The following ST3GAL3 variants were observed in gnomAD, a reference collection of about 807,000 sequenced individuals.
ST3GAL3 encodes CMP-N-acetylneuraminate-beta-1,4-galactoside alpha-2,3-sialyltransferase.
In ST3GAL3, 21 loss-of-function variants were observed where a neutral mutation model predicts 50.1. The ratio of observed to expected loss-of-function variants is 0.42; its 90% confidence interval spans 0.30 to 0.60. The LOEUF is 0.60. Among genes scored for constraint, ST3GAL3 ranks in the 20% least tolerant of loss-of-function variants. The probability of loss-of-function intolerance (pLI) is 0.19; values close to 1 mark genes in which losing one functional copy is unlikely to be tolerated. For missense variants in ST3GAL3, 353 were observed against 489.4 expected (o/e 0.72, Z 2.63); for synonymous variants, 183 against 190.0 (o/e 0.96, Z 0.30).
chr1:43,912,184 C>G (rs1202738923), intron 9 of ST3GAL3: 1 of 152,114 alleles, frequency 6.6e-6, no homozygotes, highest in East Asian at 1.9e-4. Flanking sequence ...CATCAAGGAG[C>G]CTGGACCTTA....
chr1:43,835,514 C>G (rs551743627), intron 4 of ST3GAL3, among the ~76,000 whole-genome samples: 1 of 152,242 alleles, frequency 6.6e-6, no homozygotes, highest in East Asian at 1.9e-4. Context: ...TATTGGACTG[C>G]CTTCCACTGC....
intron 1 of ST3GAL3, 48 bp from the exon 2 acceptor site, chr1:43,736,185 A>G: frequency 6.5e-7 from 1 of 1,528,804 alleles, no homozygotes; most frequent in South Asian, 1.1e-5. Flanking sequence ...GAATATATCA[A>G]TAAGATGAGT....
At position 43,834,033 on chromosome 1, in the gene ST3GAL3, C is replaced by T. The variant is rs61770260; in HGVS notation, c.210-4186C>T. ...AAAATTAGCCGGGCGCGGTGGCAGG[C>T]GCCTGTAACCTCAGCTTCTCGGGAG... On this transcript the variant is annotated intron_variant, in intron 4 of 11. Transcript: ENST00000347631. Among the ~76,000 whole-genome samples, 1,029 of 152,128 alleles carry T rather than the reference C, an allele frequency of 6.8e-3. 7 individuals are homozygous for T. The highest frequency in any genetic ancestry group is 0.012 in the Non-Finnish European group (822 of 67,986).
At chr1:43,766,517 G>A (rs1222492107) in intron 2 of ST3GAL3, among the ~76,000 whole-genome samples, 2 of 152,186 alleles carry the variant, frequency 1.3e-5, no homozygotes, top group African/African-American at 2.4e-5. Context: ...GTGGGGACCT[G>A]GGAAAGTGCT....
intron 4 of ST3GAL3, among the ~76,000 whole-genome samples, chr1:43,831,418 T>C (rs1010133051): frequency 2.6e-5 from 4 of 152,244 alleles, no homozygotes; most frequent in South Asian, 2.1e-4. Context: ...GAGATACTTA[T>C]GTATTTGTTA....
chr1:43,752,444 GTTT>G (rs1257653561), intron 2 of ST3GAL3, among the ~76,000 whole-genome samples: 16 of 152,154 alleles, frequency 1.1e-4, no homozygotes, highest in African/African-American at 3.9e-4. Flanking sequence ...TCACCCACCT[GTTT>G]CATAGACTAA....
At chr1:43,782,405 A>G (rs1431254599) in intron 2 of ST3GAL3, among the ~76,000 whole-genome samples, 2 of 152,182 alleles carry the variant, frequency 1.3e-5, no homozygotes, top group African/African-American at 4.8e-5. Flanking sequence ...CTGCCGCTAG[A>G]ATGGTTTTCC....
chr1:43,860,299 G>C (rs1349412962), intron 5 of ST3GAL3, among the ~76,000 whole-genome samples: 5 of 152,190 alleles, frequency 3.3e-5, no homozygotes, highest in Non-Finnish European at 7.3e-5. Context: ...AGGCAGTAGG[G>C]TAGAGCACAG....
At chr1:43,709,133 A>G (rs1002246981) in intron 1 of ST3GAL3, among the ~76,000 whole-genome samples, 1 of 152,208 alleles carries the variant, frequency 6.6e-6, no homozygotes, top group Non-Finnish European at 1.5e-5. Flanking sequence ...ATGAAGGGGA[A>G]GAAGTGAGCA....
chr1:43,744,701 A>G (rs978917551), intron 2 of ST3GAL3, among the ~76,000 whole-genome samples: 1 of 123,590 alleles, frequency 8.1e-6, no homozygotes, highest in East Asian at 2.4e-4. Flanking sequence ...ATAAAATAAA[A>G]AATAAAATAA....
intron 4 of ST3GAL3, among the ~76,000 whole-genome samples, chr1:43,836,239 A>G (rs1380044795): frequency 6.6e-6 from 1 of 152,184 alleles, no homozygotes; most frequent in Non-Finnish European, 1.5e-5. Flanking sequence ...TCAAAAATAC[A>G]GTTGTTTACA....
At chr1:43,772,201 C>A (rs1695525419) in intron 2 of ST3GAL3, 2 of 392,974 alleles carry the variant, frequency 5.1e-6, no homozygotes, top group Non-Finnish European at 9.0e-6. Flanking sequence ...AGGCATGCAC[C>A]ACCACACCTG....
At chr1:43,870,188 C>T (rs548796224) in intron 5 of ST3GAL3, among the ~76,000 whole-genome samples, 1 of 152,368 alleles carries the variant, frequency 6.6e-6, no homozygotes, top group Non-Finnish European at 1.5e-5. Flanking sequence ...GAATGCCTGC[C>T]TACTTACTTC....
chr1:43,848,822 G>C (rs1394208562), intron 5 of ST3GAL3, among the ~76,000 whole-genome samples: 2 of 151,958 alleles, frequency 1.3e-5, no homozygotes, highest in African/African-American at 2.4e-5. Context: ...TGATGCTCTG[G>C]GTTTTTGTTT....
intron 6 of ST3GAL3, 56 bp from the exon 7 acceptor site, chr1:43,898,178 AC>A: frequency 6.3e-7 from 1 of 1,585,078 alleles, no homozygotes; most frequent in Admixed American, 1.7e-5. Flanking sequence ...TTATCAGTAA[AC>A]ATTTTATAGA....
At chr1:43,814,311 A>G (rs1402208144) in intron 3 of ST3GAL3, among the ~76,000 whole-genome samples, 1 of 152,268 alleles carries the variant, frequency 6.6e-6, no homozygotes, top group African/African-American at 2.4e-5. Context: ...GAATGAAGCA[A>G]GATGCAAAGA....
chr1:43,760,750 C>T (rs1011614969), intron 2 of ST3GAL3, among the ~76,000 whole-genome samples: 3 of 149,946 alleles, frequency 2.0e-5, no homozygotes, highest in Non-Finnish European at 3.0e-5. Context: ...AGCAAGGCTC[C>T]GTCTCAAAAA....
chr1:43,840,419 A>G (rs1164176078), intron 5 of ST3GAL3: 1 of 152,114 alleles, frequency 6.6e-6, no homozygotes, highest in Non-Finnish European at 1.5e-5. Flanking sequence ...TGTCCTTCTC[A>G]CATTTCAACA....
chr1:43,876,598 G>A (rs144780566), intron 5 of ST3GAL3, among the ~76,000 whole-genome samples: 116 of 152,310 alleles, frequency 7.6e-4, no homozygotes, highest in African/African-American at 2.6e-3. Context: ...GACAAGATAG[G>A]CTGGGACTTG....
Sources: allele counts gnomAD v4.1 joint callset (sites outside exome capture counted in the v4.1 genomes callset), GRCh38; gene constraint gnomAD v4.1.1; transcripts MANE v1.5; gene names NCBI Gene and HGNC (gene_info 2026-07-23, HGNC 2026-07-21).